Variants in CASZ1 observed in about 807,000 individuals in gnomAD.
CASZ1 encodes the protein castor zinc finger 1, also known as zinc finger protein castor homolog 1.
Under a neutral mutation model 135.2 loss-of-function variants are expected in CASZ1, and 28 were observed. The observed-to-expected ratio is 0.21, with a 90% CI of 0.15 to 0.28. The LOEUF (loss-of-function observed/expected upper bound fraction) is 0.28, where lower values mean the gene tolerates loss of function less well. Ranked by LOEUF, CASZ1 falls within the 10% of genes least tolerant of loss-of-function variation. The pLI is 1.00. For missense variants in CASZ1, 2,161 were observed against 2,453.3 expected (o/e 0.88, Z 2.52); for synonymous variants, 1,068 against 1,073.4 (o/e 0.99, Z 0.10).
At position 10,647,208 on chromosome 1, in the gene CASZ1, C is replaced by G; in HGVS notation, c.3497+593G>C. The G allele has an allele frequency of 5.1e-6, 5 of 986,872 alleles. No homozygotes were observed. Among genetic ancestry groups the G allele is most frequent in the Non-Finnish European group, 6.0e-6 (5 of 830,226 alleles). The allele number at this position is 986,872 out of a possible 1,614,324, so 61.1% of individuals were successfully genotyped here. ...AGAGGGAGGACAGCTGCCACTCAGGCGATATAAATAATCCAATTTATTACT... is the reference window on the plus strand; with the variant it reads ...AGAGGGAGGACAGCTGCCACTCAGGGGATATAAATAATCCAATTTATTACT... On this transcript the variant is annotated intron_variant, in intron 16 of 20. Coordinates refer to ENST00000377022, the MANE Select transcript of CASZ1 (RefSeq NM_001079843.3). The surrounding 1 kb of genome is among the most constrained non-coding windows in gnomAD (Gnocchi z 4.9).
At chr1:10,674,742 C>T (rs1045173369) in intron 4 of CASZ1, among the ~76,000 whole-genome samples, 1 of 152,206 alleles carries the variant, frequency 6.6e-6, no homozygotes, top group African/African-American at 2.4e-5. Context: ...ACCTGGAGTT[C>T]AGCCCCGTGT....
intron 2 of CASZ1, among the ~76,000 whole-genome samples, chr1:10,712,725 C>G (rs528461488): frequency 2.0e-5 from 3 of 152,208 alleles, no homozygotes; most frequent in Admixed American, 6.5e-5. Flanking sequence ...AGGACCCCCC[C>G]GCTCAAGTGC....
At position 10,659,720 on chromosome 1, in the gene CASZ1, C is replaced by G. The variant is rs1452063500; in HGVS notation, c.1322G>C (p.Gly441Ala). ...TFSKTDSITT[G>A]TVSTVKNGLP... ...GCCTTACTTGACAGTGGAGACGGTC[C>G]CCGTGGTGATGGAGTCTGTTTTGGA... Residue 441 changes from glycine (G) to alanine (A), a missense_variant, in exon 6 of 21, where the codon GGG becomes GCG. Gly to Ala is a moderately conservative substitution (Grantham distance 60, BLOSUM62 0). Around this residue, in one of 7 missense-constraint regions of CASZ1, gnomAD observed 248 missense variants for 410.8 expected, o/e 0.60. Transcript: ENST00000377022. The G allele has an allele frequency of 6.2e-7, 1 of 1,613,848 alleles. No homozygotes were observed. Among genetic ancestry groups the G allele is most frequent in the Non-Finnish European group, 8.5e-7 (1 of 1,179,780 alleles).
At position 10,717,505 on chromosome 1, in the gene CASZ1, G is replaced by A. The variant is rs534844774; in HGVS notation, c.-76-11961C>T. On this transcript the variant is annotated intron_variant, in intron 2 of 20. Coordinates refer to ENST00000377022, the MANE Select transcript of CASZ1 (RefSeq NM_001079843.3). This position sits in a 1 kb window ranked among gnomAD's most constrained non-coding sequence, Gnocchi z 4.6. ...TGATAAAGCCATCAAATTCCTTATCGCACTGACACAAAGTGCATTTAAAGA... is the reference window on the plus strand; with the variant it reads ...TGATAAAGCCATCAAATTCCTTATCACACTGACACAAAGTGCATTTAAAGA... Among the ~76,000 whole-genome samples the A allele has an allele frequency of 4.0e-5, 6 of 151,770 alleles. No individual in the cohort carries two copies. Among genetic ancestry groups the A allele is most frequent in the African/African-American group, 9.7e-5 (4 of 41,244 alleles).
intron 1 of CASZ1, among the ~76,000 whole-genome samples, chr1:10,778,855 CCCGCCTGGAGGTCT>C (rs1640708810): frequency 6.6e-6 from 1 of 152,150 alleles, no homozygotes; most frequent in African/African-American, 2.4e-5. Flanking sequence ...ACACCAGGGA[CCCGCCTGGAGGTCT>C]CTGCTCCCAG....
Position 10,655,695 on chromosome 1 carries a change from T to C in CASZ1, c.1619A>G (p.His540Arg). 6.2e-7 allele frequency: 1 copy of C among 1,614,002 alleles called. No homozygotes were observed. The highest frequency in any genetic ancestry group is 8.5e-7 in the Non-Finnish European group (1 of 1,179,926). The change falls in exon 9 of 21, where the codon CAC becomes CGC. Residue 540 changes from histidine to arginine, a missense_variant. Physicochemically the swap from His to Arg is conservative, Grantham distance 29 (BLOSUM62 0). Coordinates refer to ENST00000377022, the MANE Select transcript of CASZ1 (RefSeq NM_001079843.3). ...GCTCTTCCCATTGAGGTGGCAGCCG[T>C]GGTAGTAGACGCTGCAGTCGTCCAG... Reference protein sequence around the residue: ...SPLDDCSVYYHGCHLNGKSTH... With the variant: ...SPLDDCSVYYRGCHLNGKSTH...
At position 10,638,176 on chromosome 1, in the gene CASZ1, T is replaced by C. The variant is rs970146044; in HGVS notation, c.*766A>G. The C allele has an allele frequency of 3.3e-5, 5 of 152,424 alleles. No individual in the cohort carries two copies. The highest frequency in any genetic ancestry group is 2.0e-4 in the Admixed American group (3 of 15,286). 9.4% of individuals were successfully genotyped at this position (152,424 alleles called of 1,614,324 possible). The stretch of plus-strand genomic sequence containing the variant: ...AAAATACTGTACAACTTTCTTGTAT[T>C]TTTTTCCATTTTGAACATTAAAGCC... On this transcript the variant is annotated 3_prime_UTR_variant, in exon 21 of 21. Coordinates refer to ENST00000377022, the MANE Select transcript of CASZ1 (RefSeq NM_001079843.3). This position sits in a 1 kb window ranked among gnomAD's most constrained non-coding sequence, Gnocchi z 5.9.
chr1:10,640,670 C>A lies in CASZ1; in HGVS notation c.4163-611G>T, dbSNP rs540556608. Among the ~76,000 whole-genome samples, 24 of 152,304 alleles carry A rather than the reference C, an allele frequency of 1.6e-4. No individual in the cohort carries two copies. In the East Asian group the frequency reaches 4.6e-3, roughly 29 times the overall value. ...TTTAAGGTCTTGTTGGGGTTTTCTA[C>A]CCCAAGGGCTGGGAGAGGGCAGCCC... On this transcript the variant is annotated intron_variant, in intron 20 of 20. Coordinates refer to ENST00000377022, the MANE Select transcript of CASZ1 (RefSeq NM_001079843.3).
intron 4 of CASZ1, among the ~76,000 whole-genome samples, chr1:10,684,954 C>A (rs552050318): frequency 3.1e-4 from 47 of 152,346 alleles, no homozygotes; most frequent in African/African-American, 1.1e-3. Flanking sequence ...CCAAGAGGAA[C>A]CCCCAGTGTG....
At chr1:10,728,643 G>A (rs1420821880) in intron 2 of CASZ1, among the ~76,000 whole-genome samples, 1 of 151,768 alleles carries the variant, frequency 6.6e-6, no homozygotes, top group African/African-American at 2.4e-5. Flanking sequence ...AGGTTAAAGC[G>A]CTCCTGAGGG....
intron 4 of CASZ1, among the ~76,000 whole-genome samples, chr1:10,675,631 A>C (rs1643543658): frequency 6.6e-6 from 1 of 152,050 alleles, no homozygotes; most frequent in Admixed American, 6.5e-5. Context: ...CCTGCAGTTA[A>C]TGATTCCTGG....
At chr1:10,778,210 A>C (rs1050351101) in intron 1 of CASZ1, among the ~76,000 whole-genome samples, 1 of 151,218 alleles carries the variant, frequency 6.6e-6, no homozygotes, top group Non-Finnish European at 1.5e-5. Context: ...CTCACACACA[A>C]CCACAATCAC....
Position 10,650,713 on chromosome 1 carries a change from A to G in CASZ1, c.2859T>C (p.Leu953=). The G allele has an allele frequency of 6.2e-7, 1 of 1,614,070 alleles. No individual in the cohort carries two copies. Among genetic ancestry groups the G allele is most frequent in the Non-Finnish European group, 8.5e-7 (1 of 1,179,902 alleles). ...TTACCTTATTCATAAGCGAGGATAA[A>G]AGAGATGAATTTGCCGGGACTGCGT... ...NGHAVPANSS[L]LSSLMNKMSQ... is the part of the protein sequence containing the mutation. Residue 953 remains leucine (L), a synonymous_variant, in exon 13 of 21, where the codon CTT becomes CTC. Coordinates refer to ENST00000377022, the MANE Select transcript of CASZ1 (RefSeq NM_001079843.3).
intron 2 of CASZ1, among the ~76,000 whole-genome samples, chr1:10,728,645 T>C (rs1639638876): frequency 6.6e-6 from 1 of 152,022 alleles, no homozygotes; most frequent in African/African-American, 2.4e-5. Flanking sequence ...GTTAAAGCGC[T>C]CCTGAGGGGT....
rs776745969 is a variant in CASZ1 at position 10,648,071 on chromosome 1, G to A, written c.3227C>T (p.Ala1076Val). 2 of 1,590,358 alleles carry A rather than the reference G, an allele frequency of 1.3e-6. No individual in the cohort carries two copies. The highest frequency in any genetic ancestry group is 1.1e-5 in the South Asian group (1 of 88,422). Residue 1076 changes from alanine (A) to valine (V), a missense_variant, in exon 16 of 21, where the codon GCC becomes GTC. This residue lies in a region of CASZ1 where 349 missense variants were observed against 460.8 expected (regional missense o/e 0.76). Coordinates refer to ENST00000377022, the MANE Select transcript of CASZ1 (RefSeq NM_001079843.3). ...NTEAAFPASA[A>V]ETKPPMAPSS... is the part of the protein sequence containing the mutation. ...GGGGGCCATGGGAGGTTTGGTCTCG[G>A]CGGCCGAGGCCGGAAAGGCAGCCTC...
intron 2 of CASZ1, among the ~76,000 whole-genome samples, chr1:10,736,344 G>A (rs1218182418): frequency 6.6e-6 from 1 of 152,212 alleles, no homozygotes; most frequent in East Asian, 1.9e-4. Flanking sequence ...GGGATCAGCA[G>A]GCAACGAGAC....
At chr1:10,783,697 A>AC (rs1025575613) in intron 1 of CASZ1, among the ~76,000 whole-genome samples, 21 of 151,828 alleles carry the variant, frequency 1.4e-4, no homozygotes, top group African/African-American at 4.1e-4. Context: ...ACATGGTGAA[A>AC]CCCCATCTCT....
chr1:10,786,621 G>A (rs1054868434), intron 1 of CASZ1, among the ~76,000 whole-genome samples: 2 of 152,176 alleles, frequency 1.3e-5, no homozygotes, highest in Non-Finnish European at 2.9e-5. Flanking sequence ...TCAGCCCCAC[G>A]AGGTAGGTAC....
At chr1:10,742,697 C>A (rs999137032) in intron 2 of CASZ1, among the ~76,000 whole-genome samples, 7 of 152,204 alleles carry the variant, frequency 4.6e-5, no homozygotes, top group Admixed American at 4.6e-4. Context: ...GAGTTAGAAG[C>A]CTCTGGCCGG....
Sources: allele counts gnomAD v4.1 joint callset (sites outside exome capture counted in the v4.1 genomes callset), GRCh38; gene constraint gnomAD v4.1.1; regional missense constraint gnomAD v4.1.1; non-coding constraint Gnocchi (gnomAD v3.1); transcripts MANE v1.5; gene names NCBI Gene and HGNC (gene_info 2026-07-23, HGNC 2026-07-21).